NOX4: variants seen among roughly 807,000 people sequenced by gnomAD.
The protein encoded by NOX4 is NADPH oxidase 4, also known as kidney oxidase-1.
A neutral mutation model predicts 87.6 loss-of-function variants in NOX4; 69 were observed. That is an observed-to-expected ratio of 0.79 (90% CI 0.65 to 0.96). The LOEUF (loss-of-function observed/expected upper bound fraction) is 0.96. NOX4 is among the 40% of genes least tolerant of loss of function. The pLI is 0.00. For missense variants in NOX4, 680 were observed against 681.5 expected (o/e 1.00, Z 0.02); for synonymous variants, 275 against 238.2 (o/e 1.15, Z -1.42).
At chr11:89,525,841 T>C in the NOX4 span, among the ~76,000 whole-genome samples, 5 of 152,146 alleles carry the variant, frequency 3.3e-5, no homozygotes, top group Non-Finnish European at 5.9e-5. Flanking sequence ...ATTCTATGTT[T>C]AGATTTTATA....
chr11:89,559,637 T>C, the NOX4 span, among the ~76,000 whole-genome samples: 1 of 152,134 alleles, frequency 6.6e-6, no homozygotes, highest in Non-Finnish European at 1.5e-5. Context: ...TGTAGCAAAA[T>C]AGCTAGAAAT....
chr11:89,336,397 A>G (rs74323921), intron 16 of NOX4, among the ~76,000 whole-genome samples: 10,180 of 151,988 alleles, frequency 0.067, 505 homozygotes, highest in Admixed American at 0.14. Flanking sequence ...GTATTTTGGC[A>G]CCACAAATAC....
intron 8 of NOX4, among the ~76,000 whole-genome samples, chr11:89,419,522 T>C (rs974215336): frequency 2.6e-5 from 4 of 151,954 alleles, no homozygotes; most frequent in African/African-American, 9.7e-5. Flanking sequence ...ATGTGCACTG[T>C]AGAATGCTTA....
chr11:89,430,026 C>T (rs1168924556), intron 7 of NOX4, among the ~76,000 whole-genome samples: 1 of 152,122 alleles, frequency 6.6e-6, no homozygotes, highest in Non-Finnish European at 1.5e-5. Context: ...GGGCTTCATC[C>T]CTGGGATGCA....
At chr11:89,334,501 T>G (rs1417441812) in intron 17 of NOX4, among the ~76,000 whole-genome samples, 1 of 151,704 alleles carries the variant, frequency 6.6e-6, no homozygotes, top group Non-Finnish European at 1.5e-5. Context: ...ATTCTGTAAC[T>G]TCTAAAACAA....
chr11:89,431,757 T>C (rs1319945929), intron 7 of NOX4, among the ~76,000 whole-genome samples: 1 of 152,200 alleles, frequency 6.6e-6, no homozygotes, highest in African/African-American at 2.4e-5. Flanking sequence ...TTGGTGGGAC[T>C]GTAAACTAAT....
At chr11:89,458,447 CA>C (rs1473096344) in intron 2 of NOX4, among the ~76,000 whole-genome samples, 2 of 151,920 alleles carry the variant, frequency 1.3e-5, no homozygotes, top group African/African-American at 2.4e-5. Context: ...AAAACAAAAC[CA>C]AAAATGGACA....
At chr11:89,461,387 G>A (rs1377972298) in intron 2 of NOX4, among the ~76,000 whole-genome samples, 1 of 151,974 alleles carries the variant, frequency 6.6e-6, no homozygotes, top group African/African-American at 2.4e-5. Flanking sequence ...GGTTACGCCT[G>A]TAATCCCAGC....
chr11:89,574,531 TC>T, the NOX4 span, among the ~76,000 whole-genome samples: 1 of 152,230 alleles, frequency 6.6e-6, no homozygotes, highest in East Asian at 1.9e-4. Context: ...TTTGTTTAGC[TC>T]TTTGTTATGC....
the NOX4 span, among the ~76,000 whole-genome samples, chr11:89,511,971 A>T: frequency 1.3e-5 from 2 of 152,112 alleles, no homozygotes; most frequent in African/African-American, 4.8e-5. Flanking sequence ...TGCAGATTAC[A>T]GATGTAATTA....
the NOX4 span, among the ~76,000 whole-genome samples, chr11:89,561,019 T>TAC: frequency 5.3e-4 from 54 of 102,232 alleles, no homozygotes; most frequent in African/African-American, 7.1e-4. Flanking sequence ...TATATATATA[T>TAC]ACATACACAC....
chr11:89,484,474 C>A (rs552090333), intron 2 of NOX4, among the ~76,000 whole-genome samples: 1 of 152,056 alleles, frequency 6.6e-6, no homozygotes, highest in East Asian at 1.9e-4. Flanking sequence ...AAATGTAAAG[C>A]TAGTAGTCCA....
At chr11:89,480,421 A>G (rs1946346713) in intron 2 of NOX4, among the ~76,000 whole-genome samples, 1 of 152,138 alleles carries the variant, frequency 6.6e-6, no homozygotes. Flanking sequence ...TCTTCAAACT[A>G]CTTTCTTATG....
chr11:89,416,111 G>A (rs1942756185), intron 8 of NOX4, among the ~76,000 whole-genome samples: 1 of 152,108 alleles, frequency 6.6e-6, no homozygotes, highest in South Asian at 2.1e-4. Context: ...ATACCTGTAT[G>A]ACCTGGTTTT....
chr11:89,535,373 C>T, the NOX4 span, among the ~76,000 whole-genome samples: 4 of 152,366 alleles, frequency 2.6e-5, no homozygotes, highest in East Asian at 3.9e-4. Context: ...TCAAGAGACA[C>T]GTAAACGTGT....
intron 17 of NOX4, among the ~76,000 whole-genome samples, chr11:89,333,025 C>G (rs1253511020): frequency 1.3e-5 from 2 of 151,726 alleles, no homozygotes. Flanking sequence ...ACCTGTTGAG[C>G]CAGCAATTCC....
chr11:89,479,980 A>G (rs374091796), intron 2 of NOX4, among the ~76,000 whole-genome samples: 92 of 152,252 alleles, frequency 6.0e-4, no homozygotes, highest in South Asian at 5.0e-3. Flanking sequence ...TGAATATTCA[A>G]GTGCCCCAGT....
At chr11:89,568,169 C>T in the NOX4 span, among the ~76,000 whole-genome samples, 2 of 152,056 alleles carry the variant, frequency 1.3e-5, no homozygotes, top group Non-Finnish European at 2.9e-5. Context: ...CATCCAGAAA[C>T]AAAGCCACTC....
At chr11:89,540,786 TAAAAAAAAAAAAAAAAAAAAAAAAA>T in the NOX4 span, among the ~76,000 whole-genome samples, 164 of 43,524 alleles carry the variant, frequency 3.8e-3, 1 homozygote, top group African/African-American at 0.014. Flanking sequence ...AGACTCCGTC[TAAAAAAAAAAAAAAAAAAAAAAAAA>T]AAAAAAAAAA....
Sources: gnomAD v4.1 joint callset for allele counts (sites outside exome capture counted in the v4.1 genomes callset) on GRCh38, gnomAD v4.1.1 for gene constraint, MANE v1.5 for transcripts, NCBI Gene and HGNC (gene_info 2026-07-23, HGNC 2026-07-21) for gene names.